The following NOL4 variants were observed in gnomAD, a reference collection of about 807,000 sequenced individuals.
The protein encoded by NOL4 is cancer/testis antigen 125.
In NOL4, 17 loss-of-function variants were observed where a neutral mutation model predicts 75.9. The ratio of observed to expected loss-of-function variants is 0.22; its 90% CI spans 0.15 to 0.34. NOL4 has a LOEUF of 0.34. NOL4 is among the 10% of genes least tolerant of loss of function. The pLI is 1.00. For synonymous variants in NOL4, 292 were observed against 289.9 expected (o/e 1.01, Z -0.07); for missense variants, 614 against 793.5 (o/e 0.77, Z 2.72).
intron 1 of NOL4, among the ~76,000 whole-genome samples, chr18:34,158,166 T>C (rs1441966677): frequency 6.6e-6 from 1 of 152,148 alleles, no homozygotes; most frequent in African/African-American, 2.4e-5. Flanking sequence ...TTTCAGAGAA[T>C]GAAAGCTTTA....
At chr18:34,165,740 T>A (rs1162557090) in intron 1 of NOL4, among the ~76,000 whole-genome samples, 1 of 152,138 alleles carries the variant, frequency 6.6e-6, no homozygotes, top group Non-Finnish European at 1.5e-5. Context: ...GTAATTTTTA[T>A]TAATAGTAGA....
intron 9 of NOL4, among the ~76,000 whole-genome samples, chr18:33,914,581 G>C (rs1358303098): frequency 6.6e-6 from 1 of 152,118 alleles, no homozygotes; most frequent in South Asian, 2.1e-4. Context: ...TGGCTAGGAA[G>C]TCATTGTAAT....
At chr18:34,103,528 T>C (rs1329270459) in intron 4 of NOL4, among the ~76,000 whole-genome samples, 4 of 151,934 alleles carry the variant, frequency 2.6e-5, no homozygotes, top group Non-Finnish European at 4.4e-5. Flanking sequence ...TGACCACAGA[T>C]TGTCTCTAGG....
chr18:34,048,408 A>G (rs2076476987), intron 5 of NOL4: 2 of 978,938 alleles, frequency 2.0e-6, no homozygotes, highest in Non-Finnish European at 2.4e-6. Flanking sequence ...CTCATTCATC[A>G]ATATTCTACT....
At chr18:34,163,470 A>G (rs1394678092) in intron 1 of NOL4, among the ~76,000 whole-genome samples, 1 of 152,108 alleles carries the variant, frequency 6.6e-6, no homozygotes, top group African/African-American at 2.4e-5. Context: ...GAGCCAAATC[A>G]TGAGTGAACT....
intron 9 of NOL4, among the ~76,000 whole-genome samples, chr18:33,895,684 C>A (rs1039130936): frequency 3.3e-5 from 5 of 151,936 alleles, no homozygotes; most frequent in African/African-American, 1.2e-4. Flanking sequence ...CTATGGTAAA[C>A]CCACAGCCAA....
intron 10 of NOL4, among the ~76,000 whole-genome samples, chr18:33,870,147 T>G (rs999131953): frequency 6.6e-6 from 1 of 152,090 alleles, no homozygotes; most frequent in Non-Finnish European, 1.5e-5. Flanking sequence ...AACAAAAGCA[T>G]TACCTCACCT....
At chr18:33,983,910 C>A (rs957334660) in intron 6 of NOL4, among the ~76,000 whole-genome samples, 4 of 151,612 alleles carry the variant, frequency 2.6e-5, no homozygotes, top group African/African-American at 9.7e-5. Context: ...TAAAAATTAA[C>A]AATAGAAAAA....
intron 5 of NOL4, among the ~76,000 whole-genome samples, chr18:34,078,689 C>A (rs572044448): frequency 6.6e-6 from 1 of 152,296 alleles, no homozygotes; most frequent in East Asian, 1.9e-4. Flanking sequence ...GAACAAAATA[C>A]TATATCCAGC....
chr18:34,154,895 G>A (rs1184112940), intron 1 of NOL4, among the ~76,000 whole-genome samples: 1 of 151,886 alleles, frequency 6.6e-6, no homozygotes, highest in African/African-American at 2.4e-5. Flanking sequence ...GATGACTACT[G>A]AGGTTGTGGA....
At chr18:34,066,479 C>T (rs145642711) in intron 5 of NOL4, among the ~76,000 whole-genome samples, 1,859 of 151,964 alleles carry the variant, frequency 0.012, 15 homozygotes, top group Middle Eastern at 0.051. Flanking sequence ...TTCTGGAGAT[C>T]TGTTACAAAC....
chr18:33,891,625 C>T (rs1236066093), intron 9 of NOL4, among the ~76,000 whole-genome samples: 2 of 152,104 alleles, frequency 1.3e-5, no homozygotes, highest in African/African-American at 4.8e-5. Context: ...TACAAGTCTA[C>T]TTCTTCGTAT....
intron 6 of NOL4, among the ~76,000 whole-genome samples, chr18:33,972,914 G>T (rs973981054): frequency 3.9e-5 from 6 of 152,182 alleles, no homozygotes; most frequent in African/African-American, 1.4e-4. Context: ...GTTGCTGACC[G>T]ATCAGCATGG....
intron 10 of NOL4, among the ~76,000 whole-genome samples, chr18:33,855,908 T>A (rs1238906623): frequency 2.6e-5 from 4 of 152,076 alleles, no homozygotes; most frequent in African/African-American, 9.7e-5. Flanking sequence ...TTGTTTTAAA[T>A]AGACTTATTT....
chr18:33,889,578 C>T (rs1442943620), intron 9 of NOL4, among the ~76,000 whole-genome samples: 1 of 152,012 alleles, frequency 6.6e-6, no homozygotes, highest in Non-Finnish European at 1.5e-5. Flanking sequence ...GGTAGAGACA[C>T]ATCAAAAAAA....
intron 1 of NOL4, 70 bp from the exon 2 acceptor site, chr18:34,130,090 G>A: frequency 7.4e-7 from 1 of 1,350,324 alleles, no homozygotes; most frequent in Non-Finnish European, 9.7e-7. Flanking sequence ...TACACAAATT[G>A]TTTAAAACAA....
intron 6 of NOL4, among the ~76,000 whole-genome samples, chr18:33,981,997 T>G (rs945138457): frequency 2.6e-5 from 4 of 152,040 alleles, no homozygotes; most frequent in Admixed American, 2.6e-4. Flanking sequence ...GAGTTCATTG[T>G]GAATGTCTAT....
chr18:34,132,736 C>CAAAAAAAAAAAAAAAAAA (rs35140600), intron 1 of NOL4, among the ~76,000 whole-genome samples: 1 of 106,632 alleles, frequency 9.4e-6, no homozygotes, highest in Non-Finnish European at 2.0e-5. Context: ...TTCAAAAACG[C>CAAAAAAAAAAAAAAAAAA]AAAAAAAAAA....
intron 5 of NOL4, among the ~76,000 whole-genome samples, chr18:34,065,408 G>A (rs142330263): frequency 5.2e-4 from 79 of 151,980 alleles, no homozygotes; most frequent in African/African-American, 1.9e-3. Flanking sequence ...CTCCCTACCT[G>A]CCTATTGAAG....
Sources: allele counts gnomAD v4.1 joint callset (sites outside exome capture counted in the v4.1 genomes callset), GRCh38; gene constraint gnomAD v4.1.1; transcripts MANE v1.5; gene names NCBI Gene and HGNC (gene_info 2026-07-23, HGNC 2026-07-21).